SLC24A4: variants seen among roughly 807,000 people sequenced by gnomAD.
SLC24A4 encodes the protein sodium/potassium/calcium exchanger 4.
In SLC24A4, 53 loss-of-function variants were observed where a neutral mutation model predicts 79.0. The ratio of observed to expected loss-of-function variants is 0.67; its 90% CI spans 0.54 to 0.84. The LOEUF (loss-of-function observed/expected upper bound fraction) is 0.84, where lower values mean the gene tolerates loss of function less well. Among genes scored for constraint, SLC24A4 ranks in the 40% least tolerant of loss-of-function variants. SLC24A4 has a pLI of 0.00. For synonymous variants in SLC24A4, 323 were observed against 323.8 expected (o/e 1.00, Z 0.03); for missense variants, 731 against 822.0 (o/e 0.89, Z 1.35).
intron 2 of SLC24A4, among the ~76,000 whole-genome samples, chr14:92,358,056 C>A (rs1887281426): frequency 2.0e-5 from 3 of 152,136 alleles, no homozygotes; most frequent in African/African-American, 7.2e-5. Flanking sequence ...GGCTCACTGT[C>A]TGCTTTGTCA....
intron 2 of SLC24A4, among the ~76,000 whole-genome samples, chr14:92,328,255 C>T (rs746354139): frequency 4.6e-5 from 7 of 152,188 alleles, no homozygotes; most frequent in South Asian, 2.1e-4. Flanking sequence ...AGCACCTGCT[C>T]GTGTGTGTCC....
rs759449675 is a variant in SLC24A4 at position 92,445,367 on chromosome 14, A to G, written c.683+25A>G. The G allele has an allele frequency of 3.7e-6, 6 of 1,612,242 alleles. No individual in the cohort carries two copies. In the Admixed American group the frequency reaches 5.0e-5, roughly 13 times the overall value. ...GGTAAGTTTTTCAAGTGTAGTTTTC[A>G]TTGTTCTTTTTTGTTGTTGTTTCCA... is the stretch of plus-strand genomic sequence containing the variant. On this transcript the variant is annotated intron_variant, in intron 8 of 16. Transcript: ENST00000532405.
chr14:92,462,031 A>G (rs1411699992), intron 12 of SLC24A4: 1 of 152,190 alleles, frequency 6.6e-6, no homozygotes, highest in East Asian at 1.9e-4. Context: ...AGGGAGGAAT[A>G]TTATCCTCAT....
chr14:92,477,011 A>C (rs1353251886), intron 12 of SLC24A4, among the ~76,000 whole-genome samples: 1 of 152,182 alleles, frequency 6.6e-6, no homozygotes, highest in Non-Finnish European at 1.5e-5. Context: ...TGCTGTGAAC[A>C]TTTGAGTAAA....
At chr14:92,368,584 G>A (rs1887983434) in intron 2 of SLC24A4, among the ~76,000 whole-genome samples, 1 of 152,180 alleles carries the variant, frequency 6.6e-6, no homozygotes, top group African/African-American at 2.4e-5. Flanking sequence ...CAGGAACAGT[G>A]AAAGGATTTT....
At chr14:92,445,256 T>A in intron 7 of SLC24A4, 61 bp from the exon 8 acceptor site, 2 of 1,601,994 alleles carry the variant, frequency 1.2e-6, no homozygotes, top group Non-Finnish European at 1.7e-6. Context: ...TGTCCGTGCT[T>A]GTTCTTGTTT....
At position 92,495,945 on chromosome 14, in the gene SLC24A4, C is replaced by T. The variant is rs1895907712; in HGVS notation, c.*2317C>T. On this transcript the variant is annotated 3_prime_UTR_variant, in exon 17 of 17. Transcript: ENST00000532405. ...CCTCTATTTTATCTTGAAAAAAGGA[C>T]CAAAAATTATTTTTAGCTATGGCAA... 1 of 152,242 alleles carries T rather than the reference C, an allele frequency of 6.6e-6. No individual in the cohort carries two copies. The highest frequency in any genetic ancestry group is 1.5e-5 in the Non-Finnish European group (1 of 68,042). The allele number at this position is 152,242 out of a possible 1,614,324, so 9.4% of individuals were successfully genotyped here. A position where few individuals can be genotyped will look rare whatever the true frequency, so the allele number is the denominator to read the frequency against.
intron 2 of SLC24A4, among the ~76,000 whole-genome samples, chr14:92,333,766 C>A (rs1051921972): frequency 1.3e-5 from 2 of 152,106 alleles, no homozygotes; most frequent in Admixed American, 6.6e-5. Flanking sequence ...TTCTGATCCA[C>A]CCTTACTTTT....
intron 2 of SLC24A4, among the ~76,000 whole-genome samples, chr14:92,384,763 A>C (rs961098935): frequency 6.6e-6 from 1 of 152,114 alleles, no homozygotes; most frequent in Admixed American, 6.5e-5. Flanking sequence ...GATGCAAAGA[A>C]AGGAGGGATC....
In SLC24A4 at chr14:92,482,835, A is replaced by G. The variant is rs752275133; in HGVS notation, c.1411A>G (p.Met471Val). 1.2e-6 allele frequency: 2 copies of G among 1,611,640 alleles called. No homozygotes were observed. The highest frequency in any genetic ancestry group is 1.7e-6 in the Non-Finnish European group (2 of 1,178,532). The change falls in exon 13 of 17, where the codon ATG becomes GTG. Residue 471 changes from methionine to valine, a missense_variant. Met to Val is a conservative substitution (Grantham distance 21, BLOSUM62 1). Coordinates refer to ENST00000532405, the MANE Select transcript of SLC24A4 (RefSeq NM_153646.4). ...TLWIAVFSYI[M>V]VWLVTIIGYT... is the part of the protein sequence containing the mutation. ...GTGGATCGCTGTGTTCTCCTACATCATGGTGTGGCTGGTGAGTGGGGGGAG... is the reference window on the plus strand; with the variant it reads ...GTGGATCGCTGTGTTCTCCTACATCGTGGTGTGGCTGGTGAGTGGGGGGAG...
At chr14:92,422,949 C>T (rs1359451163) in intron 2 of SLC24A4, among the ~76,000 whole-genome samples, 1 of 151,936 alleles carries the variant, frequency 6.6e-6, no homozygotes, top group Non-Finnish European at 1.5e-5. Context: ...GAGTTTAGCT[C>T]ACAGGCATGC....
chr14:92,479,014 C>G (rs1894918457), intron 12 of SLC24A4, among the ~76,000 whole-genome samples: 1 of 152,094 alleles, frequency 6.6e-6, no homozygotes, highest in African/African-American at 2.4e-5. Context: ...TGTAGAAAAA[C>G]ACAACTGAAT....
At chr14:92,469,235 G>A (rs923172767) in intron 12 of SLC24A4, among the ~76,000 whole-genome samples, 47 of 152,154 alleles carry the variant, frequency 3.1e-4, no homozygotes, top group African/African-American at 8.7e-4. Flanking sequence ...TAGGCCAGGC[G>A]CGGTGGCTCA....
intron 2 of SLC24A4, among the ~76,000 whole-genome samples, chr14:92,331,836 T>A (rs1885496615): frequency 1.3e-5 from 2 of 152,216 alleles, no homozygotes; most frequent in African/African-American, 4.8e-5. Flanking sequence ...GTGAAGATCA[T>A]GAGGATGAAG....
In SLC24A4 at chr14:92,456,564, C is replaced by G; in HGVS notation, c.1211C>G (p.Pro404Arg). Reference protein sequence around the residue: ...QPPPQPPPPEPEPVEADFLSP... With the variant: ...QPPPQPPPPEREPVEADFLSP... Reference sequence around the variant, plus strand: ...CCGCCACAGCCACCACCGCCAGAGCCAGAGCCGGTGGAGGCTGACTTCCTG... The same window carrying G: ...CCGCCACAGCCACCACCGCCAGAGCGAGAGCCGGTGGAGGCTGACTTCCTG... Residue 404 changes from proline (P) to arginine (R), a missense_variant, in exon 12 of 17, where the codon CCA becomes CGA. Coordinates refer to ENST00000532405, the MANE Select transcript of SLC24A4 (RefSeq NM_153646.4). The G allele has an allele frequency of 6.2e-7, 1 of 1,614,070 alleles. No individual in the cohort carries two copies. Among genetic ancestry groups the G allele is most frequent in the Non-Finnish European group, 8.5e-7 (1 of 1,179,982 alleles).
rs779007741 is a variant in SLC24A4 at position 92,474,843 on chromosome 14, G to GTGTATATATATATATATA, written c.1256-7836_1256-7835insGTATATATATATATATAT. On this transcript the variant is annotated intron_variant, in intron 12 of 16. Coordinates refer to ENST00000532405, the MANE Select transcript of SLC24A4 (RefSeq NM_153646.4). ...TATACATATATATGTGTGTGTGTGT[G>GTGTATATATATATATATA]TATATATATATATATATATATTTTT... Among the ~76,000 whole-genome samples the GTGTATATATATATATATA allele has an allele frequency of 1.7e-4, 4 of 23,886 alleles. 1 individual carries two copies. The highest frequency in any genetic ancestry group is 1.5e-3 in the South Asian group (1 of 678). The allele number at this position is 23,886 out of a possible 152,430, so 15.7% of individuals were successfully genotyped here.
rs142784569 is a variant in SLC24A4 at position 92,443,508 on chromosome 14, G to T, written c.657+34G>T. The T allele has an allele frequency of 6.5e-4, 1,049 of 1,610,884 alleles. 4 individuals are homozygous for T. The Middle Eastern group carries it at 7.4e-3, about 11-fold the overall frequency. ...CCCCTCTGCCCCCAAGGTCAGGTTG[G>T]CTGGGACCCTGCGAAGGCACAGGAC... On this transcript the variant is annotated intron_variant, in intron 7 of 16. Coordinates refer to ENST00000532405, the MANE Select transcript of SLC24A4 (RefSeq NM_153646.4).
intron 2 of SLC24A4, among the ~76,000 whole-genome samples, chr14:92,362,308 C>T (rs1887578798): frequency 6.6e-6 from 1 of 152,088 alleles, no homozygotes; most frequent in African/African-American, 2.4e-5. Flanking sequence ...AATGGAGGAA[C>T]CTTGGCACCT....
chr14:92,379,969 C>T (rs1249244168), intron 2 of SLC24A4, among the ~76,000 whole-genome samples: 1 of 152,188 alleles, frequency 6.6e-6, no homozygotes, highest in African/African-American at 2.4e-5. Context: ...GACGTTGTGT[C>T]ACATGGTATC....
Sources: gnomAD v4.1 joint callset for allele counts (sites outside exome capture counted in the v4.1 genomes callset) on GRCh38, gnomAD v4.1.1 for gene constraint, MANE v1.5 for transcripts, NCBI Gene and HGNC (gene_info 2026-07-23, HGNC 2026-07-21) for gene names.